RCL1: variants seen among roughly 807,000 people sequenced by gnomAD.
The protein encoded by RCL1 is RNA terminal phosphate cyclase like 1.
In RCL1, 24 loss-of-function variants were observed where a neutral mutation model predicts 42.4. The ratio of observed to expected loss-of-function variants is 0.57; its 90% confidence interval spans 0.41 to 0.80. RCL1 has a LOEUF of 0.80. RCL1 is among the 30% of genes least tolerant of loss of function. The probability of loss-of-function intolerance (pLI) is 0.00; values close to 1 mark genes in which losing one functional copy is unlikely to be tolerated. For missense variants in RCL1, 578 were observed against 467.9 expected (o/e 1.24, Z -2.17); for synonymous variants, 228 against 177.3 (o/e 1.29, Z -2.27).
intron 8 of RCL1, among the ~76,000 whole-genome samples, chr9:4,851,996 C>G (rs920693550): frequency 8.6e-5 from 13 of 151,140 alleles, no homozygotes; most frequent in Non-Finnish European, 1.9e-4. Flanking sequence ...ATTCTCCTAC[C>G]TCAGCCTCCC....
Position 4,833,378 on chromosome 9 carries a change from C to T in RCL1, c.459+150C>T, listed in dbSNP as rs1817015404. ...CACAGGGCTCATGAAATAAACACTA[C>T]AGACTTTGAACTGAAAGGGACCCTT... On this transcript the variant is annotated intron_variant, in intron 4 of 8. Coordinates refer to ENST00000381750, the MANE Select transcript of RCL1 (RefSeq NM_005772.5). The T allele has an allele frequency of 2.9e-5, 19 of 649,494 alleles. No individual in the cohort carries two copies. The South Asian group carries it at 3.2e-4, about 11-fold the overall frequency. 40.2% of individuals were successfully genotyped at this position (649,494 alleles called of 1,614,324 possible). A position where few individuals can be genotyped will look rare whatever the true frequency, so the allele number is the denominator to read the frequency against.
intron 6 of RCL1, among the ~76,000 whole-genome samples, chr9:4,841,787 A>C (rs1817340524): frequency 6.6e-6 from 1 of 152,238 alleles, no homozygotes; most frequent in South Asian, 2.1e-4. Context: ...ACATCCAGAG[A>C]AAGTTGTTAT....
Position 4,860,368 on chromosome 9 carries a change from A to C in RCL1, c.*93A>C. Reference sequence around the variant, plus strand: ...CCAAGTCCAAATGGATTAATCCAGGACAGAATAGCCACTTGCTTAATTTTC... The same window carrying C: ...CCAAGTCCAAATGGATTAATCCAGGCCAGAATAGCCACTTGCTTAATTTTC... On this transcript the variant is annotated 3_prime_UTR_variant, in exon 9 of 9. Transcript: ENST00000381750. 7.6e-7 allele frequency: 1 copy of C among 1,313,108 alleles called. No individual in the cohort carries two copies. The highest frequency in any genetic ancestry group is 1.0e-6 in the Non-Finnish European group (1 of 959,432). The allele number at this position is 1,313,108 out of a possible 1,614,324, so 81.3% of individuals were successfully genotyped here. A position where few individuals can be genotyped will look rare whatever the true frequency, so the allele number is the denominator to read the frequency against.
At chr9:4,853,324 C>CTT (rs33973400) in intron 8 of RCL1, among the ~76,000 whole-genome samples, 7,943 of 134,980 alleles carry the variant, frequency 0.059, 434 homozygotes, top group African/African-American at 0.14. Context: ...CCACTGTGCT[C>CTT]TTTTTTTTTT....
intron 5 of RCL1, among the ~76,000 whole-genome samples, chr9:4,834,875 T>C (rs1424494892): frequency 1.3e-5 from 2 of 152,214 alleles, no homozygotes; most frequent in African/African-American, 4.8e-5. Flanking sequence ...TTCAAAAGCT[T>C]AAGGAATTTC....
intron 1 of RCL1, among the ~76,000 whole-genome samples, chr9:4,817,561 C>T (rs1366750629): frequency 6.6e-6 from 1 of 151,834 alleles, no homozygotes; most frequent in Admixed American, 6.6e-5. Flanking sequence ...TCAGCCTCAA[C>T]CTCTTGGGCT....
At chr9:4,837,770 T>C (rs1817188434) in intron 5 of RCL1, among the ~76,000 whole-genome samples, 1 of 152,198 alleles carries the variant, frequency 6.6e-6, no homozygotes, top group East Asian at 1.9e-4. Flanking sequence ...CTCCCTCTAA[T>C]GTTCTTGGAA....
At chr9:4,852,529 C>G (rs1313349263) in intron 8 of RCL1, among the ~76,000 whole-genome samples, 2 of 152,220 alleles carry the variant, frequency 1.3e-5, no homozygotes, top group Non-Finnish European at 2.9e-5. Context: ...ACTTAAGGCT[C>G]TACCACGCGC....
intron 1 of RCL1, among the ~76,000 whole-genome samples, chr9:4,821,504 A>C (rs1048903084): frequency 1.3e-5 from 2 of 152,236 alleles, no homozygotes; most frequent in African/African-American, 4.8e-5. Context: ...AAAGAAAAGA[A>C]ATTTATCACA....
At chr9:4,859,892 C>T (rs1419172733) in intron 8 of RCL1, among the ~76,000 whole-genome samples, 1 of 151,984 alleles carries the variant, frequency 6.6e-6, no homozygotes, top group Admixed American at 6.6e-5. Context: ...CTAACCTTTC[C>T]CCCCCCAGTT....
intron 1 of RCL1, among the ~76,000 whole-genome samples, chr9:4,806,723 GT>G (rs61090378): frequency 7.5e-5 from 11 of 147,024 alleles, no homozygotes; most frequent in South Asian, 4.3e-4. Flanking sequence ...TTGCTCTGTA[GT>G]TTTTTTTTTG....
chr9:4,849,408 C>G lies in RCL1; in HGVS notation c.868-39C>G, dbSNP rs377462921. On this transcript the variant is annotated intron_variant, in intron 7 of 8. Transcript: ENST00000381750. ...TTCCTCCTCTCTTTTGTTGGCTTTC[C>G]ATTTTCTGGTTTGTACAATTATTAA... 4.0e-6 allele frequency: 6 copies of G among 1,512,048 alleles called. No individual in the cohort carries two copies. The African/African-American group carries it at 8.3e-5, about 21-fold the overall frequency. 93.7% of individuals were successfully genotyped at this position (1,512,048 alleles called of 1,614,324 possible). A position where few individuals can be genotyped will look rare whatever the true frequency, so the allele number is the denominator to read the frequency against.
chr9:4,802,717 A>G (rs1406369416), intron 1 of RCL1, among the ~76,000 whole-genome samples: 1 of 152,264 alleles, frequency 6.6e-6, no homozygotes, highest in Non-Finnish European at 1.5e-5. Flanking sequence ...TACATAGAAA[A>G]AAATTTTATT....
chr9:4,801,405 C>G (rs1264000731), intron 1 of RCL1, among the ~76,000 whole-genome samples: 2 of 152,206 alleles, frequency 1.3e-5, no homozygotes, highest in African/African-American at 2.4e-5. Flanking sequence ...TTTGTGGCCT[C>G]AAGCCATCTT....
intron 3 of RCL1, among the ~76,000 whole-genome samples, chr9:4,830,425 G>A (rs1164502019): frequency 6.6e-6 from 1 of 152,098 alleles, no homozygotes; most frequent in African/African-American, 2.4e-5. Context: ...GAAAACAGAG[G>A]TGATGGAATG....
At position 4,849,559 on chromosome 9, in the gene RCL1, T is replaced by C. The variant is rs1055556500; in HGVS notation, c.971+9T>C. ...CCTCTCTCTCCCTACACGTAAGTTA[T>C]TCTTTTTCAACCTCGTTATTCTGTC... On this transcript the variant is annotated intron_variant, in intron 8 of 8. Coordinates refer to ENST00000381750, the MANE Select transcript of RCL1 (RefSeq NM_005772.5). 6 of 1,595,596 alleles carry C rather than the reference T, an allele frequency of 3.8e-6. No homozygotes were observed. The highest frequency in any genetic ancestry group is 3.4e-6 in the Non-Finnish European group (4 of 1,163,270).
At chr9:4,799,164 G>A (rs1842959799) in intron 1 of RCL1, among the ~76,000 whole-genome samples, 1 of 148,834 alleles carries the variant, frequency 6.7e-6, no homozygotes, top group Non-Finnish European at 1.5e-5. Flanking sequence ...CTTAGAGATG[G>A]GATCTCACTA....
At chr9:4,839,342 T>C (rs1587722802) in intron 5 of RCL1, among the ~76,000 whole-genome samples, 1 of 152,184 alleles carries the variant, frequency 6.6e-6, no homozygotes, top group Non-Finnish European at 1.5e-5. Context: ...AGTGTCTTAG[T>C]TTTTTTGTCT....
intron 3 of RCL1, among the ~76,000 whole-genome samples, chr9:4,829,366 A>G (rs1816874301): frequency 6.6e-6 from 1 of 152,198 alleles, no homozygotes; most frequent in South Asian, 2.1e-4. Context: ...GGGGCCATAG[A>G]TGACTTCATG....
Sources: allele counts gnomAD v4.1 joint callset (sites outside exome capture counted in the v4.1 genomes callset), GRCh38; gene constraint gnomAD v4.1.1; transcripts MANE v1.5; gene names NCBI Gene and HGNC (gene_info 2026-07-23, HGNC 2026-07-21).